The following FRMD4B variants were observed in gnomAD, a reference collection of about 807,000 sequenced individuals.
The protein encoded by FRMD4B is FERM domain containing 4B.
Under a neutral mutation model 141.5 loss-of-function variants are expected in FRMD4B, and 74 were observed. That is an observed-to-expected ratio of 0.52 (90% CI 0.43 to 0.63). The LOEUF (loss-of-function observed/expected upper bound fraction) is 0.63. FRMD4B is among the 30% of genes least tolerant of loss of function. FRMD4B has a pLI of 0.00. For missense variants in FRMD4B, 1,366 were observed against 1,253.4 expected (o/e 1.09, Z -1.36); for synonymous variants, 506 against 467.9 (o/e 1.08, Z -1.05).
At chr3:69,480,601 G>A (rs922339259) in intron 1 of FRMD4B, among the ~76,000 whole-genome samples, 2 of 152,146 alleles carry the variant, frequency 1.3e-5, no homozygotes, top group African/African-American at 4.8e-5. Flanking sequence ...GCCGTGTGAG[G>A]TGTCAGTCTG....
intron 21 of FRMD4B, among the ~76,000 whole-genome samples, chr3:69,177,500 A>AGACAAAGCAAG (rs2092659597): frequency 6.6e-6 from 1 of 152,038 alleles, no homozygotes; most frequent in Non-Finnish European, 1.5e-5. Flanking sequence ...AAATACAAAA[A>AGACAAAGCAAG]TTAGCCTGGC....
rs986884649 is a variant in FRMD4B, at chr3:69,224,282, G to A, written c.665+325C>T. 2.6e-5 allele frequency among the ~76,000 whole-genome samples: 4 copies of A among 152,236 alleles called. No individual in the cohort carries two copies. The South Asian group carries it at 8.3e-4, about 32-fold the overall frequency. On this transcript the variant is annotated intron_variant, in intron 8 of 22. Coordinates refer to ENST00000398540, the MANE Select transcript of FRMD4B (RefSeq NM_015123.3). Reference sequence around the variant, plus strand: ...TTATATTGCATTCTGCTAGATTAAAGCTGCATTACACAGTGACTGCACATA... The same window carrying A: ...TTATATTGCATTCTGCTAGATTAAAACTGCATTACACAGTGACTGCACATA...
intron 1 of FRMD4B, among the ~76,000 whole-genome samples, chr3:69,350,625 C>G (rs1703108849): frequency 6.6e-6 from 1 of 152,046 alleles, no homozygotes; most frequent in African/African-American, 2.4e-5. Context: ...ACATATACAC[C>G]ATGGAATACT....
chr3:69,175,083 C>T (rs1224442397), intron 22 of FRMD4B, among the ~76,000 whole-genome samples: 2 of 152,060 alleles, frequency 1.3e-5, no homozygotes, highest in East Asian at 1.9e-4. Flanking sequence ...AAAAAAAAGG[C>T]ATTTGGGGCT....
chr3:69,296,923 T>A (rs559415315), intron 4 of FRMD4B, among the ~76,000 whole-genome samples: 2 of 152,334 alleles, frequency 1.3e-5, no homozygotes, highest in African/African-American at 4.8e-5. Flanking sequence ...TCATTCTACC[T>A]AGAGATTAAC....
chr3:69,297,391 C>T (rs887943233), intron 4 of FRMD4B, among the ~76,000 whole-genome samples: 3 of 151,978 alleles, frequency 2.0e-5, no homozygotes, highest in African/African-American at 7.3e-5. Context: ...TTTAGGGTAC[C>T]ACTGAGTGGA....
chr3:69,283,144 G>A (rs1394277114), intron 5 of FRMD4B, among the ~76,000 whole-genome samples: 1 of 151,970 alleles, frequency 6.6e-6, no homozygotes, highest in Non-Finnish European at 1.5e-5. Flanking sequence ...AGCACTTTGG[G>A]AGGCCGAGGT....
At position 69,169,465 on chromosome 3, in the gene FRMD4B, C is replaced by T. The variant is rs2092564771; in HGVS notation, c.*2396G>A. 6.6e-6 allele frequency among the ~76,000 whole-genome samples: 1 copy of T among 151,376 alleles called. No individual in the cohort carries two copies. The highest frequency in any genetic ancestry group is 2.1e-4 in the South Asian group (1 of 4,778). ...CTCCGCCTCCTGGGCTCAAGATATC[C>T]TCCCAACTCAGCCTCCCAAGTAGCT... On this transcript the variant is annotated 3_prime_UTR_variant, in exon 23 of 23. Coordinates refer to ENST00000398540, the MANE Select transcript of FRMD4B (RefSeq NM_015123.3).
chr3:69,280,158 CCATG>C (rs2093638080), intron 5 of FRMD4B, among the ~76,000 whole-genome samples: 1 of 152,082 alleles, frequency 6.6e-6, no homozygotes, highest in Non-Finnish European at 1.5e-5. Context: ...TAGACCACAG[CCATG>C]TTGAATGCTT....
intron 1 of FRMD4B, among the ~76,000 whole-genome samples, chr3:69,477,532 C>A (rs1178378798): frequency 6.6e-6 from 1 of 151,654 alleles, no homozygotes; most frequent in Non-Finnish European, 1.5e-5. Context: ...ATTGAACCAG[C>A]CTTGCATCCC....
chr3:69,494,619 C>T lies in FRMD4B; in HGVS notation c.-129+47587G>A, dbSNP rs114002437. On this transcript the variant is annotated intron_variant, in intron 1 of 5. Transcript: ENST00000459638. ...GCACTAAGAAACAATCAGCTGGGTG[C>T]GGTGGCTCATACATGTAATCCCAGC... Among the ~76,000 whole-genome samples, 1,048 of 152,220 alleles carry T rather than the reference C, an allele frequency of 6.9e-3. 19 individuals carry two copies. The highest frequency in any genetic ancestry group is 0.024 in the African/African-American group (986 of 41,524).
intron 1 of FRMD4B, among the ~76,000 whole-genome samples, chr3:69,465,564 C>T (rs1476295804): frequency 2.6e-5 from 4 of 151,826 alleles, no homozygotes; most frequent in Non-Finnish European, 4.4e-5. Flanking sequence ...CGACAGGCCC[C>T]GGTGTGTGAC....
chr3:69,420,093 G>A (rs934744264), intron 2 of FRMD4B, among the ~76,000 whole-genome samples: 3 of 152,094 alleles, frequency 2.0e-5, no homozygotes, highest in African/African-American at 7.2e-5. Flanking sequence ...CTGACCTCAG[G>A]TGATCCATCT....
intron 1 of FRMD4B, among the ~76,000 whole-genome samples, chr3:69,339,574 G>A (rs1559815848): frequency 6.6e-6 from 1 of 152,084 alleles, no homozygotes; most frequent in Non-Finnish European, 1.5e-5. Context: ...CAGGAATGAT[G>A]CAGCTACATG....
intron 1 of FRMD4B, among the ~76,000 whole-genome samples, chr3:69,338,394 C>T (rs1028601101): frequency 4.6e-5 from 7 of 151,980 alleles, no homozygotes; most frequent in African/African-American, 1.5e-4. Flanking sequence ...CAACATGGCA[C>T]ATGTATATAT....
At chr3:69,178,614 G>A (rs2092673991) in intron 21 of FRMD4B, among the ~76,000 whole-genome samples, 1 of 151,134 alleles carries the variant, frequency 6.6e-6, no homozygotes, top group African/African-American at 2.4e-5. Context: ...TTGAGACTGA[G>A]TGAGGTATAA....
At chr3:69,479,506 C>T (rs1188106122) in intron 1 of FRMD4B, among the ~76,000 whole-genome samples, 1 of 152,110 alleles carries the variant, frequency 6.6e-6, no homozygotes, top group Admixed American at 6.5e-5. Context: ...GTTGAAAATT[C>T]TTTTCTTTAA....
intron 1 of FRMD4B, among the ~76,000 whole-genome samples, chr3:69,446,486 C>T (rs1340947173): frequency 6.6e-6 from 1 of 152,094 alleles, no homozygotes; most frequent in Non-Finnish European, 1.5e-5. Context: ...GCACACACCA[C>T]CACACCTGGC....
intron 2 of FRMD4B, among the ~76,000 whole-genome samples, chr3:69,412,753 C>G (rs1012196013): frequency 6.7e-6 from 1 of 149,668 alleles, no homozygotes; most frequent in Non-Finnish European, 1.5e-5. Context: ...AGGGTTAATT[C>G]GTCATGTTGA....
Sources: allele counts gnomAD v4.1 joint callset (sites outside exome capture counted in the v4.1 genomes callset), GRCh38; gene constraint gnomAD v4.1.1; transcripts MANE v1.5; gene names NCBI Gene and HGNC (gene_info 2026-07-23, HGNC 2026-07-21).